CLBA1: variants seen among roughly 807,000 people sequenced by gnomAD.
CLBA1 encodes uncharacterized protein CLBA1.
In CLBA1, 30 loss-of-function variants were observed where a neutral mutation model predicts 28.8. The ratio of observed to expected loss-of-function variants is 1.04; its 90% confidence interval spans 0.78 to 1.41. CLBA1 has a LOEUF of 1.41. Among genes scored for constraint, CLBA1 ranks in the 40% most tolerant of loss-of-function variants. The probability of loss-of-function intolerance (pLI) is 0.00; values close to 1 mark genes in which losing one functional copy is unlikely to be tolerated. For synonymous variants in CLBA1, 160 were observed against 152.8 expected, an observed-to-expected ratio of 1.05 and a Z score of -0.35; for missense variants, 451 against 412.3, an observed-to-expected ratio of 1.09 and a Z score of -0.81.
Position 104,992,995 on chromosome 14 carries a change from A to G in CLBA1, c.747A>G (p.Lys249=). ...ACATCATGGAAGATTGTGACCTCAA[A>G]GAGCCTGAAGGACTCCTCACTGTCA... ...QGHIMEDCDL[K]EPEGLLTVSS... is the part of the protein sequence containing the mutation. Residue 249 remains lysine, a synonymous_variant, in exon 4 of 5, where the codon AAA becomes AAG. Coordinates refer to ENST00000547315, the MANE Select transcript of CLBA1 (RefSeq NM_174891.4). 6.2e-7 allele frequency: 1 copy of G among 1,614,198 alleles called. No homozygotes were observed. Among genetic ancestry groups the G allele is most frequent in the Non-Finnish European group, 8.5e-7 (1 of 1,180,026 alleles).
At chr14:105,000,383 T>C (rs887532424), downstream of CLBA1, among the ~76,000 whole-genome samples, 5 of 151,962 alleles carry the variant, frequency 3.3e-5, no homozygotes, top group Non-Finnish European at 7.4e-5. Flanking sequence ...GTGATTGTCC[T>C]GCCTCAGCCT....
Position 104,991,586 on chromosome 14 carries a change from T to G in CLBA1, c.665T>G (p.Phe222Cys). 1.2e-6 allele frequency: 2 copies of G among 1,613,448 alleles called. No homozygotes were observed. ...LWSESRCQEN[F>C]FLVLGIDAAQ... ...AGCGAGTCCCGTTGCCAGGAGAACTTCTTTCTTGTTCTCGGAATAGATGCT... is the reference window on the plus strand; with the variant it reads ...AGCGAGTCCCGTTGCCAGGAGAACTGCTTTCTTGTTCTCGGAATAGATGCT... Residue 222 changes from phenylalanine (F) to cysteine (C), a missense_variant, in exon 3 of 5, where the codon TTC (phenylalanine) becomes TGC (cysteine). Physicochemically the swap from Phe to Cys is radical, Grantham distance 205. Transcript: ENST00000547315.
At position 104,985,944 on chromosome 14, in the gene CLBA1, GGCCCAGGC is replaced by G. The variant is rs1460569102; in HGVS notation, c.-486_-479del. On this transcript the variant is annotated 5_prime_UTR_variant, in exon 1 of 5. Transcript: ENST00000547315. ...AGCCGGCCACCTCGGGCCCTGTCCAGGCCCAGGCGTTCCAGGGCTGCTCTGCGGGCCGC... is the reference window on the plus strand; with the variant it reads ...AGCCGGCCACCTCGGGCCCTGTCCAGGTTCCAGGGCTGCTCTGCGGGCCGC... 4 of 197,996 alleles carry G rather than the reference GGCCCAGGC, an allele frequency of 2.0e-5. No individual in the cohort carries two copies. The highest frequency in any genetic ancestry group is 2.1e-5 in the Non-Finnish European group (2 of 96,176). The allele number at this position is 197,996 out of a possible 1,614,324, so 12.3% of individuals were successfully genotyped here. A position where few individuals can be genotyped will look rare whatever the true frequency, so the allele number is the denominator to read the frequency against.
At chr14:105,000,271 A>ATTTT (rs1455130943), downstream of CLBA1, among the ~76,000 whole-genome samples, 25 of 151,018 alleles carry the variant, frequency 1.7e-4, no homozygotes, top group African/African-American at 5.9e-4. Context: ...CTGAACAGAC[A>ATTTT]TTTTTTCTTT....
chr14:104,991,418 C>A, intron 2 of CLBA1, 73 bp from the exon 3 acceptor site: 1 of 1,590,214 alleles, frequency 6.3e-7, no homozygotes. Flanking sequence ...CCGCTGCGTG[C>A]CTCGGGCCGT....
downstream of CLBA1, among the ~76,000 whole-genome samples, chr14:104,996,554 G>A (rs927669104): frequency 1.5e-4 from 23 of 152,238 alleles, no homozygotes; most frequent in Non-Finnish European, 3.1e-4. Flanking sequence ...GGCCCAGCAG[G>A]GGAGCTGGGA....
Position 104,991,508 on chromosome 14 carries a change from T to G in CLBA1, c.587T>G (p.Leu196Arg), listed in dbSNP as rs148327930. 18 of 1,613,992 alleles carry G rather than the reference T, an allele frequency of 1.1e-5. No homozygotes were observed. In the African/African-American group the frequency reaches 2.3e-4, roughly 20 times the overall value. ...TTTTCCAGTAACGAATCCAGAAAAC[T>G]CTGGAGAGCCCTTCAGAGCATACAC... ...VHKLCNESRK[L>R]WRALQSIHTT... is the part of the protein sequence containing the mutation. The change falls in exon 3 of 5, where the codon CTC becomes CGC. Residue 196 changes from leucine to arginine, a missense_variant. Leu to Arg is a moderately radical substitution (Grantham distance 102). Transcript: ENST00000547315.
Position 104,989,102 on chromosome 14 carries a change from G to T in CLBA1, c.569+14G>T, listed in dbSNP as rs376812571. 36 of 1,597,112 alleles carry T rather than the reference G, an allele frequency of 2.3e-5. No homozygotes were observed. The highest frequency in any genetic ancestry group is 2.8e-5 in the Non-Finnish European group (33 of 1,172,202). On this transcript the variant is annotated intron_variant, in intron 2 of 4. Coordinates refer to ENST00000547315, the MANE Select transcript of CLBA1 (RefSeq NM_174891.4). The stretch of plus-strand genomic sequence containing the variant: ...ACATAAATTGTGGTAATGAACTGAA[G>T]AAATATTTCTTACAGCAACTGCTTT...
chr14:104,993,427 A>G (rs1420095493), intron 4 of CLBA1: 1 of 985,204 alleles, frequency 1.0e-6, no homozygotes, highest in East Asian at 1.1e-4. Flanking sequence ...GGGCCAGGGG[A>G]TGTTGACTCC....
chr14:104,990,757 G>A (rs1288964050), intron 2 of CLBA1: 1 of 152,422 alleles, frequency 6.6e-6, no homozygotes, highest in Non-Finnish European at 1.5e-5. Context: ...TCGTAGTTTG[G>A]GAGCATCTGT....
chr14:104,990,207 C>T (rs534433384), intron 2 of CLBA1: 114 of 161,102 alleles, frequency 7.1e-4, no homozygotes, highest in Non-Finnish European at 1.2e-3. Context: ...CAGGACTTGG[C>T]GGGGCTGGAC....
intron 2 of CLBA1, chr14:104,990,035 CTG>C: frequency 4.5e-6 from 1 of 224,064 alleles, no homozygotes; most frequent in Non-Finnish European, 9.5e-6. Flanking sequence ...CGTGTGCCCT[CTG>C]TGTGTGGTGC....
At position 104,985,799 on chromosome 14, in the gene CLBA1, C is replaced by A. The variant is rs567238225; in HGVS notation, c.-633C>A. Reference sequence around the variant, plus strand: ...CGCACGCCGTTGCCAGGCAACGGGGCGGCGCAGGCAGGAGGGAACGGCTGG... The same window carrying A: ...CGCACGCCGTTGCCAGGCAACGGGGAGGCGCAGGCAGGAGGGAACGGCTGG... On this transcript the variant is annotated 5_prime_UTR_variant, in exon 1 of 5. Coordinates refer to ENST00000547315, the MANE Select transcript of CLBA1 (RefSeq NM_174891.4). 53 of 283,926 alleles carry A rather than the reference C, an allele frequency of 1.9e-4. 1 individual carries two copies. In the East Asian group the frequency reaches 2.4e-3, roughly 13 times the overall value. The allele number at this position is 283,926 out of a possible 1,614,324, so 17.6% of individuals were successfully genotyped here.
At chr14:104,995,557 T>G, downstream of CLBA1, 1 of 953,034 alleles carries the variant, frequency 1.0e-6, no homozygotes, top group African/African-American at 1.8e-5. Context: ...GACTGATACC[T>G]GAAATCCTGT....
chr14:104,997,236 G>C (rs1900171481), downstream of CLBA1, among the ~76,000 whole-genome samples: 1 of 152,134 alleles, frequency 6.6e-6, no homozygotes, highest in Non-Finnish European at 1.5e-5. Context: ...GTATATAAAT[G>C]ATCTTTAGAT....
At position 104,993,146 on chromosome 14, in the gene CLBA1, G is replaced by A. The variant is rs575145828; in HGVS notation, c.816+82G>A. 37 of 1,545,200 alleles carry A rather than the reference G, an allele frequency of 2.4e-5. No individual in the cohort carries two copies. The African/African-American group carries it at 4.6e-4, about 19-fold the overall frequency. ...TGGAGCCCTCCGCTTTCTCTGATGT[G>A]AGTCAGTTGCTTGTTTTCTTCCTTT... is the stretch of plus-strand genomic sequence containing the variant. On this transcript the variant is annotated intron_variant, in intron 4 of 4. Coordinates refer to ENST00000547315, the MANE Select transcript of CLBA1 (RefSeq NM_174891.4).
intron 4 of CLBA1, chr14:104,993,755 AC>A: frequency 1.0e-6 from 1 of 985,348 alleles, no homozygotes; most frequent in Non-Finnish European, 1.2e-6. Flanking sequence ...CACCCTGGAG[AC>A]CCAGGACCTT....
At chr14:104,989,727 C>T in intron 2 of CLBA1, 1 of 455,490 alleles carries the variant, frequency 2.2e-6, no homozygotes, top group Non-Finnish European at 4.4e-6. Flanking sequence ...CCCAAGGCCC[C>T]AGAGGGAGGA....
At chr14:104,999,326 G>C, downstream of CLBA1, 1 of 818,932 alleles carries the variant, frequency 1.2e-6, no homozygotes, top group African/African-American at 1.9e-5. Context: ...TGAGCCGTCA[G>C]CCACATCAGA....
Sources: allele counts gnomAD v4.1 joint callset (sites outside exome capture counted in the v4.1 genomes callset), GRCh38; gene constraint gnomAD v4.1.1; transcripts MANE v1.5; gene names NCBI Gene and HGNC (gene_info 2026-07-23, HGNC 2026-07-21).